Variants in WRNIP1 observed in about 807,000 individuals in gnomAD.
WRNIP1 encodes the protein ATPase WRNIP1.
In WRNIP1, 41 loss-of-function variants were observed where a neutral mutation model predicts 56.1. The ratio of observed to expected loss-of-function variants is 0.73; its 90% CI spans 0.57 to 0.95. WRNIP1 has a LOEUF of 0.95. Ranked by LOEUF, WRNIP1 falls within the 40% of genes least tolerant of loss-of-function variation. The pLI, the probability that WRNIP1 is intolerant of heterozygous loss-of-function variation, is 0.00. For synonymous variants in WRNIP1, 547 were observed against 398.1 expected, an observed-to-expected ratio of 1.37 and a Z score of -4.45; for missense variants, 1,170 against 939.4, an observed-to-expected ratio of 1.25 and a Z score of -3.21.
chr6:2,770,112 A>G lies in WRNIP1; in HGVS notation c.1015-8A>G, dbSNP rs1427414270. The G allele has an allele frequency of 2.5e-6, 4 of 1,614,056 alleles. No individual in the cohort carries two copies. The highest frequency in any genetic ancestry group is 3.3e-5 in the Admixed American group (2 of 60,022). ...AATCACTTTTTTCTGTTTTCCTCCC[A>G]TGATTAGGACACTTTCCTTCCTCAC... On this transcript the variant is annotated splice_region_variant and splice_polypyrimidine_tract_variant and intron_variant, in intron 2 of 6. Transcript: ENST00000380773.
At chr6:2,783,827 A>G (rs1293456889) in intron 5 of WRNIP1, among the ~76,000 whole-genome samples, 2 of 151,914 alleles carry the variant, frequency 1.3e-5, no homozygotes, top group Non-Finnish European at 2.9e-5. Context: ...GAATGTTTTT[A>G]CTAACATGAG....
chr6:2,765,600 C>A lies in WRNIP1; in HGVS notation c.-23C>A. 1 of 1,489,180 alleles carries A rather than the reference C, an allele frequency of 6.7e-7. No individual in the cohort carries two copies. The allele number at this position is 1,489,180 out of a possible 1,614,324, so 92.2% of individuals were successfully genotyped here. ...CACGGGTTGCTGCGGCCGCGCCGGG[C>A]GCCGGGGAGGGCGGCGGCCGCCATG... On this transcript the variant is annotated 5_prime_UTR_variant, in exon 1 of 7. Transcript: ENST00000380773.
chr6:2,773,077 A>G (rs1765346648), intron 3 of WRNIP1: 2 of 985,462 alleles, frequency 2.0e-6, no homozygotes, highest in Non-Finnish European at 2.4e-6. Flanking sequence ...GAAACTAATC[A>G]AGCTGCCGCT....
chr6:2,779,982 G>C (rs972268131), intron 4 of WRNIP1, among the ~76,000 whole-genome samples: 1 of 152,150 alleles, frequency 6.6e-6, no homozygotes, highest in Non-Finnish European at 1.5e-5. Context: ...TTATGTAGTA[G>C]CTTTTTCAAA....
At chr6:2,770,891 G>A (rs1765255876) in intron 3 of WRNIP1, among the ~76,000 whole-genome samples, 1 of 152,006 alleles carries the variant, frequency 6.6e-6, no homozygotes, top group South Asian at 2.1e-4. Context: ...TCAGTTTCAT[G>A]AAAGTAAAGG....
chr6:2,769,409 TAAAA>T (rs564048768), intron 2 of WRNIP1, among the ~76,000 whole-genome samples: 4 of 151,590 alleles, frequency 2.6e-5, no homozygotes, highest in African/African-American at 9.7e-5. Flanking sequence ...CTTAGGGATT[TAAAA>T]AAAAATAAAC....
chr6:2,767,598 C>G (rs931517438), intron 1 of WRNIP1, among the ~76,000 whole-genome samples: 1 of 152,220 alleles, frequency 6.6e-6, no homozygotes, highest in Non-Finnish European at 1.5e-5. Context: ...GAGTTGTTGA[C>G]GTCTGTCCCC....
chr6:2,780,114 A>G (rs1186980211), intron 4 of WRNIP1, among the ~76,000 whole-genome samples: 10 of 152,212 alleles, frequency 6.6e-5, no homozygotes, highest in Non-Finnish European at 1.3e-4. Flanking sequence ...AGCACAGCAC[A>G]TTTGCATCTT....
In WRNIP1 at chr6:2,785,511, G is replaced by A; in HGVS notation, c.*229G>A. The A allele has an allele frequency of 1.8e-6, 1 of 541,280 alleles. No individual in the cohort carries two copies. 33.5% of individuals were successfully genotyped at this position (541,280 alleles called of 1,614,324 possible). ...AGCGGTTATGCTTATGAAAATACCT[G>A]GCAGCTTTGTGCAATGAATTAATGT... On this transcript the variant is annotated 3_prime_UTR_variant, in exon 7 of 7. Coordinates refer to ENST00000380773, the MANE Select transcript of WRNIP1 (RefSeq NM_020135.3).
At position 2,768,750 on chromosome 6, in the gene WRNIP1, A is replaced by G. The variant is rs940766120; in HGVS notation, c.882A>G (p.Thr294=). The part of the protein sequence containing the change: ...NSKKHSIRFV[T]LSATNAKTND... ...AGAAACATAGCATAAGGTTTGTGACATTATCTGCAACAAATGCCAAGACAA... is the reference window on the plus strand; with the variant it reads ...AGAAACATAGCATAAGGTTTGTGACGTTATCTGCAACAAATGCCAAGACAA... Residue 294 remains threonine (T), a synonymous_variant, in exon 2 of 7, where the codon ACA becomes ACG. Coordinates refer to ENST00000380773, the MANE Select transcript of WRNIP1 (RefSeq NM_020135.3). The G allele has an allele frequency of 1.2e-6, 2 of 1,614,058 alleles. No individual in the cohort carries two copies.
At position 2,765,900 on chromosome 6, in the gene WRNIP1, A is replaced by G; in HGVS notation, c.278A>G (p.Glu93Gly). The change falls in exon 1 of 7, where the codon GAG (glutamate) becomes GGG (glycine). Residue 93 changes from glutamate to glycine, a missense_variant. By Grantham distance (98) the Glu-to-Gly change is moderately conservative. Coordinates refer to ENST00000380773, the MANE Select transcript of WRNIP1 (RefSeq NM_020135.3). ...ACCCCGACGGCAGCCGAGAGCAGCG[A>G]GGGCGAGGGTGAGGAGGGCGACGAC... ...PATPTAAESSEGEGEEGDDGG... is the reference protein window; with the variant it reads ...PATPTAAESSGGEGEEGDDGG... 6.9e-7 allele frequency: 1 copy of G among 1,455,232 alleles called. No individual in the cohort carries two copies. The allele number at this position is 1,455,232 out of a possible 1,614,324, so 90.1% of individuals were successfully genotyped here. A position where few individuals can be genotyped will look rare whatever the true frequency, so the allele number is the denominator to read the frequency against.
In WRNIP1 at chr6:2,783,528, C is replaced by T. The variant is rs145167237; in HGVS notation, c.1609C>T (p.Arg537Trp). Reference sequence around the variant, plus strand: ...AGGAGAGGACCCACTCTACGTGGCACGGAGGCTTGTCAGGTTTGCCAGCGA... The same window carrying T: ...AGGAGAGGACCCACTCTACGTGGCATGGAGGCTTGTCAGGTTTGCCAGCGA... ...EGGEDPLYVA[R>W]RLVRFASEDI... is the part of the protein sequence containing the mutation. The change falls in exon 5 of 7, where the codon CGG (arginine) becomes TGG (tryptophan). Residue 537 changes from arginine to tryptophan, a missense_variant. Transcript: ENST00000380773. 4.2e-5 allele frequency: 67 copies of T among 1,612,006 alleles called. No individual in the cohort carries two copies. The highest frequency in any genetic ancestry group is 4.8e-5 in the Non-Finnish European group (57 of 1,179,418).
intron 1 of WRNIP1, among the ~76,000 whole-genome samples, chr6:2,767,402 G>A (rs1412217809): frequency 6.6e-6 from 1 of 152,232 alleles, no homozygotes; most frequent in Non-Finnish European, 1.5e-5. Flanking sequence ...TTGCACACAA[G>A]GCTTTTATGA....
At chr6:2,775,904 T>C (rs958516690) in intron 3 of WRNIP1, among the ~76,000 whole-genome samples, 2 of 152,270 alleles carry the variant, frequency 1.3e-5, no homozygotes, top group Non-Finnish European at 2.9e-5. Context: ...TAGGATGTTA[T>C]GACATTTTGG....
At chr6:2,767,043 A>C (rs1035596048) in intron 1 of WRNIP1, among the ~76,000 whole-genome samples, 4 of 152,224 alleles carry the variant, frequency 2.6e-5, no homozygotes, top group African/African-American at 9.6e-5. Flanking sequence ...AAACTTTTTC[A>C]TCTGCAAGTC....
rs561014907 is a variant in WRNIP1 at position 2,772,072 on chromosome 6, C to G, written c.1256+1711C>G. ...TACCCTCAGGTTTTTTCACCTCTCC[C>G]CAGTCACTGCCGTGCAGGAATTTAA... is the stretch of plus-strand genomic sequence containing the variant. On this transcript the variant is annotated intron_variant, in intron 3 of 6. Transcript: ENST00000380773. 5.9e-5 allele frequency among the ~76,000 whole-genome samples: 9 copies of G among 152,284 alleles called. 1 individual carries two copies. In the East Asian group the frequency reaches 1.7e-3, roughly 29 times the overall value.
chr6:2,774,918 T>C (rs755787947), intron 3 of WRNIP1, among the ~76,000 whole-genome samples: 3 of 152,154 alleles, frequency 2.0e-5, no homozygotes, highest in Non-Finnish European at 2.9e-5. Flanking sequence ...TCGCTGTTGA[T>C]ACCAAAGCAG....
intron 3 of WRNIP1, among the ~76,000 whole-genome samples, chr6:2,772,649 A>G (rs1765330137): frequency 6.6e-6 from 1 of 152,216 alleles, no homozygotes; most frequent in South Asian, 2.1e-4. Context: ...TAAAACCATT[A>G]ATTGGTCAAC....
chr6:2,780,727 A>T (rs3799239), intron 4 of WRNIP1, among the ~76,000 whole-genome samples: 64,236 of 151,898 alleles, frequency 0.42, 13,960 homozygotes, highest in African/African-American at 0.48. Flanking sequence ...CATTAAAAAA[A>T]TCTCACCATG....
Sources: allele counts gnomAD v4.1 joint callset (sites outside exome capture counted in the v4.1 genomes callset), GRCh38; gene constraint gnomAD v4.1.1; transcripts MANE v1.5; gene names NCBI Gene and HGNC (gene_info 2026-07-23, HGNC 2026-07-21).